The following ARHGAP20 variants were observed in gnomAD, a reference collection of about 807,000 sequenced individuals.
The protein encoded by ARHGAP20 is Rho GTPase activating protein 20, also known as rho GTPase-activating protein 20.
ARHGAP20 carries 34 observed loss-of-function variants against 73.7 expected under a neutral mutation model. That is an observed-to-expected ratio of 0.46 (90% CI 0.35 to 0.61). The LOEUF (loss-of-function observed/expected upper bound fraction) is 0.61. ARHGAP20 is among the 20% of genes least tolerant of loss of function. The pLI is 0.00. For synonymous variants in ARHGAP20, 523 were observed against 518.2 expected, an observed-to-expected ratio of 1.01 and a Z score of -0.13; for missense variants, 1,314 against 1,420.9, an observed-to-expected ratio of 0.92 and a Z score of 1.21.
chr11:110,617,676 T>C (rs931643505), intron 4 of ARHGAP20, among the ~76,000 whole-genome samples: 3 of 152,192 alleles, frequency 2.0e-5, no homozygotes, highest in Admixed American at 6.5e-5. Flanking sequence ...TGTAATCTTC[T>C]TGTATATTTC....
At position 110,615,603 on chromosome 11, in the gene ARHGAP20, A is replaced by C. The variant is rs1335357263; in HGVS notation, c.504-9T>G. On this transcript the variant is annotated splice_polypyrimidine_tract_variant and intron_variant, in intron 4 of 14. Transcript: ENST00000683387. ...CCTTTTGTTCTGGAGAACTGCAATCAAAGAAAATGGGAGAGAAAAATTAAA... is the reference window on the plus strand; with the variant it reads ...CCTTTTGTTCTGGAGAACTGCAATCCAAGAAAATGGGAGAGAAAAATTAAA... 1 of 1,611,398 alleles carries C rather than the reference A, an allele frequency of 6.2e-7. No homozygotes were observed. The highest frequency in any genetic ancestry group is 8.5e-7 in the Non-Finnish European group (1 of 1,178,774).
At chr11:110,611,266 C>A in intron 7 of ARHGAP20, 43 bp downstream of exon 7, 2 of 1,280,828 alleles carry the variant, frequency 1.6e-6, no homozygotes, top group African/African-American at 1.5e-5. Flanking sequence ...TTTAAATAAT[C>A]AAAGTTTATT....
intron 1 of ARHGAP20, among the ~76,000 whole-genome samples, chr11:110,694,291 G>T (rs1950296617): frequency 6.6e-6 from 1 of 151,704 alleles, no homozygotes; most frequent in Admixed American, 6.6e-5. Flanking sequence ...ATTTACAAAT[G>T]GCCTTTTATT....
chr11:110,586,188 T>G, intron 12 of ARHGAP20, 28 bp downstream of exon 12: 10 of 1,207,544 alleles, frequency 8.3e-6, no homozygotes, highest in Non-Finnish European at 1.0e-5. Context: ...AAAGTATTTT[T>G]GAGACATGAC....
Position 110,580,079 on chromosome 11 carries a change from G to A in ARHGAP20, c.2867C>T (p.Ala956Val), listed in dbSNP as rs748726703. The A allele has an allele frequency of 6.2e-7, 1 of 1,614,208 alleles. No individual in the cohort carries two copies. The highest frequency in any genetic ancestry group is 1.1e-5 in the South Asian group (1 of 91,086). The stretch of plus-strand genomic sequence containing the variant: ...AGAGTGTTCAGAAATCTGAGAAAAA[G>A]CACTGTCTTGGGAGCTTACTGATGA... ...SGSSVSSQDS[A>V]FSQISEHSVF... Residue 956 changes from alanine to valine, a missense_variant, in exon 15 of 15, where the codon GCT (alanine) becomes GTT (valine). Ala to Val is a moderately conservative substitution (Grantham distance 64). Around this residue, in one of 3 missense-constraint regions of ARHGAP20, gnomAD observed 641 missense variants for 636.9 expected, o/e 1.01. Coordinates refer to ENST00000683387, the MANE Select transcript of ARHGAP20 (RefSeq NM_001384657.1).
intron 2 of ARHGAP20, among the ~76,000 whole-genome samples, chr11:110,653,222 G>A (rs1443997348): frequency 2.0e-5 from 3 of 152,168 alleles, no homozygotes; most frequent in African/African-American, 7.2e-5. Context: ...ATTGATAAGT[G>A]GGGTCTAATT....
intron 4 of ARHGAP20, 113 bp downstream of exon 4, chr11:110,624,049 A>T (rs2134933370): frequency 7.4e-7 from 1 of 1,357,030 alleles, no homozygotes; most frequent in South Asian, 1.4e-5. Flanking sequence ...AGAATAAAAT[A>T]TTTCCCTCTT....
intron 1 of ARHGAP20, among the ~76,000 whole-genome samples, chr11:110,698,212 T>C (rs1950374871): frequency 6.6e-6 from 1 of 151,912 alleles, no homozygotes; most frequent in African/African-American, 2.4e-5. Flanking sequence ...GTGTATGTGG[T>C]AAAACACACT....
chr11:110,657,912 AAGAG>A (rs988195203), intron 2 of ARHGAP20, among the ~76,000 whole-genome samples: 1 of 136,508 alleles, frequency 7.3e-6, no homozygotes, highest in African/African-American at 2.8e-5. Context: ...AAGAAAGAAA[AAGAG>A]AGAGAGGAAG....
intron 4 of ARHGAP20, among the ~76,000 whole-genome samples, chr11:110,615,845 T>A (rs936721742): frequency 2.0e-5 from 3 of 152,230 alleles, no homozygotes; most frequent in African/African-American, 7.2e-5. Flanking sequence ...CCCTCTTTTC[T>A]ACTTTACTGC....
intron 9 of ARHGAP20, among the ~76,000 whole-genome samples, chr11:110,595,259 C>T (rs1446849748): frequency 6.6e-6 from 1 of 152,168 alleles, no homozygotes; most frequent in African/African-American, 2.4e-5. Flanking sequence ...TCTCTCACCA[C>T]TCCTATTCAA....
Position 110,597,294 on chromosome 11 carries a change from TA to T in ARHGAP20, c.965-5140del, listed in dbSNP as rs35017824. On this transcript the variant is annotated intron_variant, in intron 9 of 14. Transcript: ENST00000683387. ...CCCTAAAGTATAATAATAATAAAAT[TA>T]AAAAAAAAAAAACTGAAAAGGAAAC... 2.5e-3 allele frequency among the ~76,000 whole-genome samples: 351 copies of T among 142,586 alleles called. 12 individuals are homozygous for T. The South Asian group carries it at 0.033, about 13-fold the overall frequency. The allele number at this position is 142,586 out of a possible 152,430, so 93.5% of individuals were successfully genotyped here.
intron 2 of ARHGAP20, among the ~76,000 whole-genome samples, chr11:110,663,467 A>G (rs1949658536): frequency 6.6e-6 from 1 of 151,702 alleles, no homozygotes; most frequent in South Asian, 2.1e-4. Flanking sequence ...ATTATGAAAA[A>G]CTATATGGCT....
rs1292519554 is a variant in ARHGAP20 at position 110,578,640 on chromosome 11, T to C, written c.*730A>G. The stretch of plus-strand genomic sequence containing the variant: ...CTGAAATGGGCAGCCATTTTCTTCT[T>C]TCTCCTCACAACTCTGTTTCCTGAA... On this transcript the variant is annotated 3_prime_UTR_variant, in exon 15 of 15. Coordinates refer to ENST00000683387, the MANE Select transcript of ARHGAP20 (RefSeq NM_001384657.1). The C allele has an allele frequency of 1.0e-6, 1 of 985,330 alleles. No individual in the cohort carries two copies. Among genetic ancestry groups the C allele is most frequent in the East Asian group, 1.1e-4 (1 of 8,824 alleles). The allele number at this position is 985,330 out of a possible 1,614,324, so 61.0% of individuals were successfully genotyped here.
chr11:110,588,841 G>A (rs553166179), intron 11 of ARHGAP20, among the ~76,000 whole-genome samples: 1 of 152,198 alleles, frequency 6.6e-6, no homozygotes, highest in South Asian at 2.1e-4. Flanking sequence ...GGAGGCCGAG[G>A]CGGGCGGATC....
intron 1 of ARHGAP20, chr11:110,691,009 A>G (rs989331064): frequency 2.6e-6 from 4 of 1,522,588 alleles, no homozygotes; most frequent in Non-Finnish European, 3.5e-6. Flanking sequence ...CCGGGTAGAT[A>G]CTACTATCTT....
chr11:110,690,016 T>C (rs753369284), intron 2 of ARHGAP20, among the ~76,000 whole-genome samples: 9 of 152,084 alleles, frequency 5.9e-5, no homozygotes, highest in South Asian at 2.1e-4. Flanking sequence ...TTAGCCTCCA[T>C]TGGTGAAATG....
chr11:110,668,912 T>G (rs2135062140), intron 2 of ARHGAP20, among the ~76,000 whole-genome samples: 1 of 152,248 alleles, frequency 6.6e-6, no homozygotes, highest in Admixed American at 6.5e-5. Context: ...AACAACTGAA[T>G]AGCCATGCAC....
At chr11:110,680,962 T>G (rs1319964460) in intron 2 of ARHGAP20, among the ~76,000 whole-genome samples, 1 of 152,178 alleles carries the variant, frequency 6.6e-6, no homozygotes, top group Non-Finnish European at 1.5e-5. Context: ...ATCTGAATTT[T>G]ACAACTTTGA....
Sources: gnomAD v4.1 joint callset for allele counts (sites outside exome capture counted in the v4.1 genomes callset) on GRCh38, gnomAD v4.1.1 for gene constraint, gnomAD v4.1.1 regional missense constraint, MANE v1.5 for transcripts, NCBI Gene and HGNC (gene_info 2026-07-23, HGNC 2026-07-21) for gene names.